The following CTNNA3 variants were observed in gnomAD, a reference collection of about 807,000 sequenced individuals.
CTNNA3 encodes catenin alpha 3, also known as catenin alpha-3.
A neutral mutation model predicts 95.7 loss-of-function variants in CTNNA3; 76 were observed. That is an observed-to-expected ratio of 0.79 (90% CI 0.66 to 0.96). CTNNA3 has a LOEUF of 0.96. Ranked by LOEUF, CTNNA3 falls within the 40% of genes least tolerant of loss-of-function variation. CTNNA3 has a pLI of 0.00. For synonymous variants in CTNNA3, 431 were observed against 374.4 expected (o/e 1.15, Z -1.74); for missense variants, 1,191 against 1,089.8 (o/e 1.09, Z -1.31).
chr10:66,473,078 T>C (rs1028978257), intron 11 of CTNNA3, among the ~76,000 whole-genome samples: 2 of 152,046 alleles, frequency 1.3e-5, no homozygotes, highest in African/African-American at 4.8e-5. Flanking sequence ...TGAGCTGCTT[T>C]GATACACATA....
chr10:66,329,518 C>G (rs2092298927), intron 12 of CTNNA3, among the ~76,000 whole-genome samples: 1 of 151,722 alleles, frequency 6.6e-6, no homozygotes. Flanking sequence ...TGCGGCACTG[C>G]CTGGTACACC....
chr10:66,421,744 A>G (rs1171340242), intron 11 of CTNNA3, among the ~76,000 whole-genome samples: 1 of 150,852 alleles, frequency 6.6e-6, no homozygotes, highest in Non-Finnish European at 1.5e-5. Context: ...GCTGAGGCAA[A>G]GAAATGGCTG....
intron 11 of CTNNA3, among the ~76,000 whole-genome samples, chr10:66,440,517 C>G (rs1360615178): frequency 2.6e-5 from 4 of 152,100 alleles, no homozygotes; most frequent in African/African-American, 9.7e-5. Flanking sequence ...AAAATAAAAT[C>G]TGTCAAATTT....
intron 5 of CTNNA3, among the ~76,000 whole-genome samples, chr10:67,365,578 C>A (rs1843180219): frequency 6.6e-6 from 1 of 152,124 alleles, no homozygotes; most frequent in African/African-American, 2.4e-5. Flanking sequence ...TATGAACAGA[C>A]TTTTCTCAAA....
At chr10:66,095,214 C>T (rs1379973914) in intron 14 of CTNNA3, among the ~76,000 whole-genome samples, 1 of 151,906 alleles carries the variant, frequency 6.6e-6, no homozygotes, top group Non-Finnish European at 1.5e-5. Context: ...AGCTGGAGGA[C>T]TATAGGGCTT....
chr10:67,598,207 T>C (rs1018122858), intron 3 of CTNNA3, among the ~76,000 whole-genome samples: 1 of 152,152 alleles, frequency 6.6e-6, no homozygotes, highest in Admixed American at 6.5e-5. Flanking sequence ...TTCCAAACCT[T>C]CTGGGTTCCA....
chr10:67,611,381 T>G (rs1843448825), intron 2 of CTNNA3, among the ~76,000 whole-genome samples: 1 of 152,028 alleles, frequency 6.6e-6, no homozygotes. Flanking sequence ...TGGCACGATC[T>G]CCGTTCACTG....
At chr10:66,177,417 T>C (rs957513793) in intron 13 of CTNNA3, among the ~76,000 whole-genome samples, 1 of 152,014 alleles carries the variant, frequency 6.6e-6, no homozygotes, top group Non-Finnish European at 1.5e-5. Flanking sequence ...AAAAATTTTG[T>C]TCTTTATTTC....
intron 10 of CTNNA3, among the ~76,000 whole-genome samples, chr10:66,529,424 G>T (rs1318225311): frequency 6.8e-6 from 1 of 147,610 alleles, no homozygotes; most frequent in Non-Finnish European, 1.5e-5. Flanking sequence ...GAGCCACCGA[G>T]CCCAGCCAAA....
chr10:66,678,727 A>G (rs1475675686), intron 9 of CTNNA3, among the ~76,000 whole-genome samples: 1 of 152,016 alleles, frequency 6.6e-6, no homozygotes, highest in Non-Finnish European at 1.5e-5. Context: ...CCCTTCCTTT[A>G]TTGCTACATA....
At chr10:66,888,616 T>C (rs1348006378) in intron 7 of CTNNA3, among the ~76,000 whole-genome samples, 1 of 151,948 alleles carries the variant, frequency 6.6e-6, no homozygotes, top group Non-Finnish European at 1.5e-5. Flanking sequence ...CCTAAAAGAT[T>C]ACTGTGGAAA....
intron 5 of CTNNA3, among the ~76,000 whole-genome samples, chr10:67,283,914 A>C (rs1180507117): frequency 6.6e-6 from 1 of 152,188 alleles, no homozygotes; most frequent in Non-Finnish European, 1.5e-5. Context: ...TCTCAGCCTA[A>C]AAATGGATAA....
chr10:66,464,727 C>T (rs1310700257), intron 11 of CTNNA3, among the ~76,000 whole-genome samples: 1 of 151,264 alleles, frequency 6.6e-6, no homozygotes, highest in African/African-American at 2.4e-5. Flanking sequence ...CATGCCACTG[C>T]ACTTCAGCCT....
At chr10:67,257,460 A>C (rs1841275443) in intron 5 of CTNNA3, among the ~76,000 whole-genome samples, 2 of 152,216 alleles carry the variant, frequency 1.3e-5, no homozygotes, top group South Asian at 4.1e-4. Flanking sequence ...ATATTCCTAC[A>C]TGAATGCCTT....
chr10:66,889,555 G>A (rs879794627), intron 7 of CTNNA3, among the ~76,000 whole-genome samples: 49 of 152,018 alleles, frequency 3.2e-4, no homozygotes, highest in Non-Finnish European at 5.9e-4. Context: ...ATTAAAAAAA[G>A]AAAAAAAGAT....
intron 3 of CTNNA3, among the ~76,000 whole-genome samples, chr10:67,565,883 G>A (rs1306265885): frequency 7.5e-6 from 1 of 133,042 alleles, no homozygotes; most frequent in Non-Finnish European, 1.6e-5. Flanking sequence ...ATATAAAAAA[G>A]ATACCTTCAC....
At chr10:66,902,003 G>C (rs1369231955) in intron 7 of CTNNA3, among the ~76,000 whole-genome samples, 1 of 152,140 alleles carries the variant, frequency 6.6e-6, no homozygotes, top group Admixed American at 6.6e-5. Context: ...TTCATGGTTT[G>C]AACTCAGCTC....
intron 1 of CTNNA3, among the ~76,000 whole-genome samples, chr10:67,726,791 TG>T (rs1282730453): frequency 0.039 from 3,633 of 94,134 alleles, 72 homozygotes; most frequent in Middle Eastern, 0.1. Context: ...TAAATATATA[TG>T]ATATTATATA....
At chr10:66,845,750 TAC>T (rs1430402942) in intron 7 of CTNNA3, among the ~76,000 whole-genome samples, 2 of 32,498 alleles carry the variant, frequency 6.2e-5, no homozygotes, top group African/African-American at 1.9e-4. Flanking sequence ...GAGATATATA[TAC>T]ATACACACAC....
Sources: gnomAD v4.1 joint callset for allele counts (sites outside exome capture counted in the v4.1 genomes callset) on GRCh38, gnomAD v4.1.1 for gene constraint, MANE v1.5 for transcripts, NCBI Gene and HGNC (gene_info 2026-07-23, HGNC 2026-07-21) for gene names.